The following NALCN variants were observed in gnomAD, a reference collection of about 807,000 sequenced individuals.
NALCN encodes sodium leak channel NALCN.
Under a neutral mutation model 225.3 loss-of-function variants are expected in NALCN, and 111 were observed. The ratio of observed to expected loss-of-function variants is 0.49; its 90% CI spans 0.42 to 0.58. The LOEUF is 0.58. Ranked by LOEUF, NALCN falls within the 20% of genes least tolerant of loss-of-function variation. The pLI, the probability that NALCN is intolerant of heterozygous loss-of-function variation, is 0.00. For missense variants in NALCN, 1,378 were observed against 2,202.4 expected (o/e 0.63, Z 7.49); for synonymous variants, 764 against 769.0 (o/e 0.99, Z 0.11).
In NALCN at chr13:101,295,836, C is replaced by T. The variant is rs185002600; in HGVS notation, c.800-3470G>A. ...GGTCCTTCCTCATCTCTTTACTACTCCTGGCTTTGCCAAACATAGCAAAAG... is the reference window on the plus strand; with the variant it reads ...GGTCCTTCCTCATCTCTTTACTACTTCTGGCTTTGCCAAACATAGCAAAAG... On this transcript the variant is annotated intron_variant, in intron 7 of 43. Transcript: ENST00000251127. Among the ~76,000 whole-genome samples the T allele has an allele frequency of 2.6e-3, 397 of 152,340 alleles. 2 individuals carry two copies. Among genetic ancestry groups the T allele is most frequent in the Admixed American group, 3.2e-3 (49 of 15,304 alleles).
intron 15 of NALCN, among the ~76,000 whole-genome samples, chr13:101,153,165 C>A (rs1446440348): frequency 1.3e-5 from 2 of 152,080 alleles, no homozygotes; most frequent in Non-Finnish European, 2.9e-5. Flanking sequence ...TCTCTTCACC[C>A]CTTTGGATTT....
chr13:101,309,452 T>C (rs1472402149), intron 7 of NALCN, among the ~76,000 whole-genome samples: 2 of 152,214 alleles, frequency 1.3e-5, no homozygotes, highest in Non-Finnish European at 2.9e-5. Context: ...AGACACCACA[T>C]AGTTTGATAA....
intron 13 of NALCN, among the ~76,000 whole-genome samples, chr13:101,209,976 A>G (rs2040460180): frequency 6.6e-6 from 1 of 152,198 alleles, no homozygotes; most frequent in Non-Finnish European, 1.5e-5. Context: ...TTTCTCCGGA[A>G]TTCTGAAAAC....
At chr13:101,075,300 C>G (rs1361867409) in intron 35 of NALCN, among the ~76,000 whole-genome samples, 2 of 151,612 alleles carry the variant, frequency 1.3e-5, no homozygotes, top group African/African-American at 4.8e-5. Context: ...ACTAAAAATA[C>G]AAAAATTAGC....
At chr13:101,414,052 AT>A (rs34061768) in intron 1 of NALCN, among the ~76,000 whole-genome samples, 209 of 147,568 alleles carry the variant, frequency 1.4e-3, no homozygotes, top group African/African-American at 4.1e-3. Flanking sequence ...CACTTGGTGA[AT>A]TTTTTTTTTT....
At chr13:101,129,688 G>GT in intron 17 of NALCN, among the ~76,000 whole-genome samples, 1 of 144,578 alleles carries the variant, frequency 6.9e-6, no homozygotes, top group East Asian at 2.0e-4. Context: ...TTATTCTGAT[G>GT]TTTTCAATTT....
intron 14 of NALCN, among the ~76,000 whole-genome samples, chr13:101,184,444 A>T (rs1017268449): frequency 6.6e-6 from 1 of 152,156 alleles, no homozygotes; most frequent in African/African-American, 2.4e-5. Context: ...TTCTCCTCTG[A>T]AACAGCCCAG....
chr13:101,397,072 A>T lies in NALCN; in HGVS notation c.109-1707T>A, dbSNP rs1431571109. 2.2e-3 allele frequency among the ~76,000 whole-genome samples: 106 copies of T among 47,134 alleles called. 2 individuals carry two copies. Among genetic ancestry groups the T allele is most frequent in the African/African-American group, 0.022 (98 of 4,400 alleles). The allele number at this position is 47,134 out of a possible 152,430, so 30.9% of individuals were successfully genotyped here. ...TAAAACACCTATGAATGTATTATAT[A>T]TATATATATATATATATATATATAT... On this transcript the variant is annotated intron_variant, in intron 2 of 43. Transcript: ENST00000251127.
At chr13:101,257,280 C>T (rs2042269542) in intron 11 of NALCN, among the ~76,000 whole-genome samples, 1 of 145,372 alleles carries the variant, frequency 6.9e-6, no homozygotes, top group African/African-American at 2.5e-5. Flanking sequence ...TGTTGCATCA[C>T]AGAGACTGTA....
intron 18 of NALCN, among the ~76,000 whole-genome samples, chr13:101,123,725 T>A (rs946355426): frequency 6.6e-6 from 1 of 152,212 alleles, no homozygotes; most frequent in Non-Finnish European, 1.5e-5. Context: ...TTTTAGGTAG[T>A]ATTATAAAGT....
chr13:101,326,833 C>T (rs981933320), intron 7 of NALCN, among the ~76,000 whole-genome samples: 1 of 152,110 alleles, frequency 6.6e-6, no homozygotes, highest in Non-Finnish European at 1.5e-5. Flanking sequence ...GCCAAATAGT[C>T]GGAGAAGGCT....
chr13:101,255,865 A>G (rs1221024616), intron 11 of NALCN, among the ~76,000 whole-genome samples: 2 of 151,894 alleles, frequency 1.3e-5, no homozygotes, highest in African/African-American at 2.4e-5. Context: ...CCCATCCATT[A>G]CTCCTTGATA....
intron 14 of NALCN, among the ~76,000 whole-genome samples, chr13:101,190,839 A>C (rs1426341896): frequency 6.6e-6 from 1 of 152,244 alleles, no homozygotes; most frequent in Admixed American, 6.5e-5. Context: ...GATTTGACAA[A>C]GACATTTTTT....
chr13:101,245,365 T>G (rs2041863115), intron 11 of NALCN, among the ~76,000 whole-genome samples: 1 of 152,212 alleles, frequency 6.6e-6, no homozygotes, highest in Admixed American at 6.5e-5. Flanking sequence ...AAATATTTAT[T>G]TCTTCTTACA....
chr13:101,138,531 T>C (rs541290304), intron 17 of NALCN, among the ~76,000 whole-genome samples: 1 of 152,312 alleles, frequency 6.6e-6, no homozygotes, highest in South Asian at 2.1e-4. Flanking sequence ...GGGCACGAGG[T>C]GGAGGTGCTG....
chr13:101,060,008 C>CA, intron 41 of NALCN, 41 bp from the exon 42 acceptor site: 1 of 1,605,866 alleles, frequency 6.2e-7, no homozygotes, highest in Non-Finnish European at 8.5e-7. Flanking sequence ...ATAAGCCCAG[C>CA]ATCCTGCCTG....
chr13:101,403,531 T>TCC (rs2047535052), intron 1 of NALCN, among the ~76,000 whole-genome samples: 3 of 152,226 alleles, frequency 2.0e-5, no homozygotes, highest in Admixed American at 6.5e-5. Context: ...TTGTTATAAC[T>TCC]GAAAAACTTA....
chr13:101,411,683 C>T (rs2047792192), intron 1 of NALCN, among the ~76,000 whole-genome samples: 1 of 152,120 alleles, frequency 6.6e-6, no homozygotes, highest in Non-Finnish European at 1.5e-5. Flanking sequence ...CTATAATGCT[C>T]TGATCGTTGG....
intron 42 of NALCN, 63 bp from the exon 43 acceptor site, chr13:101,058,119 A>G (rs1343744513): frequency 2.2e-6 from 3 of 1,393,562 alleles, no homozygotes; most frequent in Admixed American, 2.0e-5. Flanking sequence ...TCCTTTTACT[A>G]TAAGAAAGGA....
Sources: allele counts gnomAD v4.1 joint callset (sites outside exome capture counted in the v4.1 genomes callset), GRCh38; gene constraint gnomAD v4.1.1; transcripts MANE v1.5; gene names NCBI Gene and HGNC (gene_info 2026-07-23, HGNC 2026-07-21).